Variants in FER observed in about 807,000 individuals in gnomAD.
FER encodes FER tyrosine kinase.
Under a neutral mutation model 111.0 loss-of-function variants are expected in FER, and 63 were observed. That is an observed-to-expected ratio of 0.57 (90% confidence interval 0.46 to 0.70). The LOEUF (loss-of-function observed/expected upper bound fraction) is 0.70, where lower values mean the gene tolerates loss of function less well. FER is among the 30% of genes least tolerant of loss of function. FER has a pLI of 0.00. For synonymous variants in FER, 327 were observed against 313.9 expected, an observed-to-expected ratio of 1.04 and a Z score of -0.44; for missense variants, 914 against 954.0, an observed-to-expected ratio of 0.96 and a Z score of 0.55.
chr5:109,185,291 C>T (rs1017076743), intron 18 of FER, among the ~76,000 whole-genome samples: 15 of 152,170 alleles, frequency 9.9e-5, no homozygotes, highest in African/African-American at 3.1e-4. Context: ...GATTTAAAGA[C>T]GTTTTTGTTA....
At chr5:108,787,204 C>T (rs955177555) in intron 2 of FER, among the ~76,000 whole-genome samples, 1 of 152,190 alleles carries the variant, frequency 6.6e-6, no homozygotes, top group Non-Finnish European at 1.5e-5. Context: ...AAGCTGTGGC[C>T]AAGTCCAGGC....
intron 12 of FER, among the ~76,000 whole-genome samples, chr5:108,955,816 G>C (rs1471616815): frequency 6.6e-6 from 1 of 151,676 alleles, no homozygotes; most frequent in Non-Finnish European, 1.5e-5. Context: ...CTTAGTAACA[G>C]GTGTATGTAC....
chr5:109,018,889 G>A (rs1767552941), intron 13 of FER, among the ~76,000 whole-genome samples: 1 of 151,500 alleles, frequency 6.6e-6, no homozygotes, highest in Admixed American at 6.6e-5. Context: ...ATGTAAAATA[G>A]AACAGGAAAC....
chr5:109,124,993 C>G (rs1221219361), intron 17 of FER, among the ~76,000 whole-genome samples: 1 of 147,748 alleles, frequency 6.8e-6, no homozygotes, highest in African/African-American at 2.5e-5. Context: ...TTGCAGTGAG[C>G]CGAGATTGCA....
intron 10 of FER, among the ~76,000 whole-genome samples, chr5:108,942,899 A>G (rs1276083574): frequency 6.6e-6 from 1 of 152,086 alleles, no homozygotes; most frequent in Non-Finnish European, 1.5e-5. Context: ...TTTGAGCATG[A>G]ATATTATATT....
chr5:108,984,267 G>A (rs1204300878), intron 13 of FER, among the ~76,000 whole-genome samples: 1 of 151,908 alleles, frequency 6.6e-6, no homozygotes, highest in African/African-American at 2.4e-5. Flanking sequence ...AAGATCTAGA[G>A]GAATATAGAA....
intron 13 of FER, among the ~76,000 whole-genome samples, chr5:109,027,943 A>T (rs531763376): frequency 6.6e-6 from 1 of 152,316 alleles, no homozygotes; most frequent in Admixed American, 6.5e-5. Flanking sequence ...TGGGATTTAC[A>T]TAGTGTTTTC....
intron 10 of FER, among the ~76,000 whole-genome samples, chr5:108,933,995 TG>T (rs906213058): frequency 5.3e-5 from 8 of 152,280 alleles, no homozygotes; most frequent in Non-Finnish European, 1.2e-4. Flanking sequence ...AAGGAGATTT[TG>T]GCTGAGACGA....
intron 17 of FER, among the ~76,000 whole-genome samples, chr5:109,149,608 A>T (rs1754603279): frequency 6.6e-6 from 1 of 152,154 alleles, no homozygotes; most frequent in Non-Finnish European, 1.5e-5. Flanking sequence ...CAGTGGTATG[A>T]CCTCACAATG....
intron 2 of FER, among the ~76,000 whole-genome samples, chr5:108,790,235 C>CCACA (rs66805209): frequency 0.053 from 7,725 of 145,106 alleles, 396 homozygotes; most frequent in African/African-American, 0.14. Context: ...TGCATACACA[C>CCACA]CACACACACA....
intron 10 of FER, among the ~76,000 whole-genome samples, chr5:108,927,360 A>G (rs1753918354): frequency 6.9e-6 from 1 of 145,896 alleles, no homozygotes. Flanking sequence ...TCCCGGGTTC[A>G]CGCCATTGTT....
intron 3 of FER, 49 bp from the exon 4 acceptor site, chr5:108,832,721 A>G: frequency 1.5e-6 from 2 of 1,357,700 alleles, no homozygotes; most frequent in South Asian, 4.0e-5. Flanking sequence ...GCACAGCTAA[A>G]TGGAAACCTT....
At chr5:109,061,308 A>G (rs1002576710) in intron 16 of FER, among the ~76,000 whole-genome samples, 6 of 152,176 alleles carry the variant, frequency 3.9e-5, no homozygotes, top group Non-Finnish European at 7.4e-5. Flanking sequence ...GGAAATAACC[A>G]GCTAGTTTTT....
At chr5:108,957,136 T>C (rs773766216) in intron 12 of FER, among the ~76,000 whole-genome samples, 1 of 151,588 alleles carries the variant, frequency 6.6e-6, no homozygotes, top group African/African-American at 2.4e-5. Flanking sequence ...GGGGTTAATA[T>C]CTTAAAGAGT....
At position 108,849,705 on chromosome 5, in the gene FER, C is replaced by T. The variant is rs1478616669; in HGVS notation, c.481+13898C>T. On this transcript the variant is annotated intron_variant, in intron 5 of 19. Transcript: ENST00000281092. The stretch of plus-strand genomic sequence containing the variant: ...TCATTTTGGTTAGATATTTTTGCTT[C>T]TTTGAATGCCTGATAACTTTTGATG... Among the ~76,000 whole-genome samples, 6 of 152,088 alleles carry T rather than the reference C, an allele frequency of 3.9e-5. No homozygotes were observed. The East Asian group carries it at 1.2e-3, about 29-fold the overall frequency.
intron 16 of FER, among the ~76,000 whole-genome samples, chr5:109,082,173 C>A (rs1334144385): frequency 6.6e-6 from 1 of 151,838 alleles, no homozygotes; most frequent in Non-Finnish European, 1.5e-5. Flanking sequence ...GAGCGTTATT[C>A]TTTCTTTGTT....
At position 109,180,807 on chromosome 5, in the gene FER, T is replaced by C. The variant is rs1311727236; in HGVS notation, c.2109T>C (p.Phe703=). Residue 703 remains phenylalanine, a synonymous_variant, in exon 18 of 20, where the codon TTT becomes TTC. Transcript: ENST00000281092. ...GENNVLKISD[F]GMSRQEDGGV... is the part of the protein sequence containing the mutation. ...ATAATGTTCTGAAAATCAGTGACTT[T>C]GGAATGTCTCGTCAAGAGGATGGTG... 2 of 1,613,516 alleles carry C rather than the reference T, an allele frequency of 1.2e-6. No homozygotes were observed. Among genetic ancestry groups the C allele is most frequent in the Non-Finnish European group, 1.7e-6 (2 of 1,179,722 alleles).
At chr5:108,880,593 T>C (rs1461062174) in intron 8 of FER, among the ~76,000 whole-genome samples, 2 of 152,112 alleles carry the variant, frequency 1.3e-5, no homozygotes, top group African/African-American at 2.4e-5. Context: ...AATCTTAATA[T>C]AGTAATGTTT....
At chr5:108,805,294 G>A (rs1189013439) in intron 3 of FER, among the ~76,000 whole-genome samples, 2 of 152,158 alleles carry the variant, frequency 1.3e-5, no homozygotes, top group East Asian at 3.9e-4. Flanking sequence ...CTTCCACCAT[G>A]TTTGTGAGGC....
Sources: gnomAD v4.1 joint callset for allele counts (sites outside exome capture counted in the v4.1 genomes callset) on GRCh38, gnomAD v4.1.1 for gene constraint, MANE v1.5 for transcripts, NCBI Gene and HGNC (gene_info 2026-07-23, HGNC 2026-07-21) for gene names.